Variants in PIK3C2G observed in about 807,000 individuals in gnomAD.
PIK3C2G encodes the protein phosphatidylinositol 3-kinase C2 domain-containing subunit gamma.
Under a neutral mutation model 181.1 loss-of-function variants are expected in PIK3C2G, and 168 were observed. The ratio of observed to expected loss-of-function variants is 0.93; its 90% CI spans 0.82 to 1.05. The LOEUF (loss-of-function observed/expected upper bound fraction) is 1.05, where lower values mean the gene tolerates loss of function less well. PIK3C2G is among the 50% of genes least tolerant of loss of function. The pLI is 0.00. For missense variants in PIK3C2G, 1,869 were observed against 1,732.8 expected, an observed-to-expected ratio of 1.08 and a Z score of -1.40; for synonymous variants, 573 against 592.2, an observed-to-expected ratio of 0.97 and a Z score of 0.47.
In PIK3C2G at chr12:18,347,675, A is replaced by G. The variant is rs11044041; in HGVS notation, c.1625+839A>G. On this transcript the variant is annotated intron_variant, in intron 11 of 32. Coordinates refer to ENST00000538779, the MANE Select transcript of PIK3C2G (RefSeq NM_001288772.2). ...AAATACAAAAAATTAGCAGGGCATG[A>G]TGGCACGTGCCTGTAATCCCAGCTA... is the stretch of plus-strand genomic sequence containing the variant. Among the ~76,000 whole-genome samples, 629 of 152,002 alleles carry G rather than the reference A, an allele frequency of 4.1e-3. 1 individual carries two copies. The highest frequency in any genetic ancestry group is 0.014 in the African/African-American group (591 of 41,482).
intron 31 of PIK3C2G, among the ~76,000 whole-genome samples, chr12:18,619,112 A>G (rs1948731211): frequency 6.6e-6 from 1 of 151,332 alleles, no homozygotes; most frequent in African/African-American, 2.4e-5. Context: ...TATATTACAC[A>G]TTGTAATAAA....
chr12:18,326,929 C>G (rs1186791051), intron 8 of PIK3C2G, among the ~76,000 whole-genome samples: 1 of 152,078 alleles, frequency 6.6e-6, no homozygotes, highest in Non-Finnish European at 1.5e-5. Flanking sequence ...TTTTCACACA[C>G]AAATTATTAA....
At chr12:18,338,963 T>C (rs1938852138) in intron 9 of PIK3C2G, among the ~76,000 whole-genome samples, 1 of 152,016 alleles carries the variant, frequency 6.6e-6, no homozygotes, top group African/African-American at 2.4e-5. Context: ...AGGCATTAAG[T>C]GTCATGTTTG....
At chr12:18,668,904 T>G in the PIK3C2G span, among the ~76,000 whole-genome samples, 1 of 152,040 alleles carries the variant, frequency 6.6e-6, no homozygotes, top group African/African-American at 2.4e-5. Context: ...CAATTGTAAA[T>G]GTCAGCAAAG....
chr12:18,719,588 T>C, the PIK3C2G span: 8 of 1,606,864 alleles, frequency 5.0e-6, no homozygotes, highest in South Asian at 1.1e-5. Context: ...CGTGAATCCA[T>C]GTATCTTGTA....
chr12:18,595,606 A>G (rs1947318129), intron 30 of PIK3C2G, among the ~76,000 whole-genome samples: 1 of 152,100 alleles, frequency 6.6e-6, no homozygotes, highest in Non-Finnish European at 1.5e-5. Context: ...TTTTTTTCAA[A>G]TGCCAATTCA....
chr12:18,288,287 G>A (rs896446557), intron 3 of PIK3C2G, among the ~76,000 whole-genome samples: 1 of 152,134 alleles, frequency 6.6e-6, no homozygotes, highest in African/African-American at 2.4e-5. Flanking sequence ...TCTACCAAAT[G>A]ATTATTTGAA....
chr12:18,605,065 A>G (rs904001455), intron 30 of PIK3C2G, among the ~76,000 whole-genome samples: 1 of 152,202 alleles, frequency 6.6e-6, no homozygotes, highest in Non-Finnish European at 1.5e-5. Flanking sequence ...TGAAATTGAA[A>G]CAAAAAAATT....
At chr12:18,296,249 T>C (rs939589247) in intron 5 of PIK3C2G, among the ~76,000 whole-genome samples, 1 of 152,114 alleles carries the variant, frequency 6.6e-6, no homozygotes, top group Non-Finnish European at 1.5e-5. Flanking sequence ...ATAATGCATA[T>C]AGAAATTTCA....
At chr12:18,475,779 T>G (rs1430950863) in intron 18 of PIK3C2G, among the ~76,000 whole-genome samples, 2 of 152,150 alleles carry the variant, frequency 1.3e-5, no homozygotes, top group African/African-American at 2.4e-5. Context: ...ATGCAAACTC[T>G]TAGGCGACTA....
At chr12:18,496,229 G>T in intron 21 of PIK3C2G, 75 bp downstream of exon 21, 2 of 888,018 alleles carry the variant, frequency 2.3e-6, no homozygotes, top group Non-Finnish European at 3.4e-6. Flanking sequence ...AAAAGAAATT[G>T]TTGTGGCTAT....
At chr12:18,462,768 G>A (rs1947989921) in intron 18 of PIK3C2G, among the ~76,000 whole-genome samples, 1 of 152,042 alleles carries the variant, frequency 6.6e-6, no homozygotes, top group African/African-American at 2.4e-5. Context: ...TCTGACTCAG[G>A]AATTTCTGCT....
At chr12:18,696,120 G>T in the PIK3C2G span, 1 of 1,144,138 alleles carries the variant, frequency 8.7e-7, no homozygotes, top group Non-Finnish European at 1.3e-6. Flanking sequence ...TGTTACTTCT[G>T]CAAACAACTC....
intron 18 of PIK3C2G, among the ~76,000 whole-genome samples, chr12:18,447,981 A>G (rs1323224772): frequency 6.6e-6 from 1 of 152,148 alleles, no homozygotes; most frequent in East Asian, 1.9e-4. Flanking sequence ...TCTTTGTGAT[A>G]GATTCTTCCT....
intron 5 of PIK3C2G, among the ~76,000 whole-genome samples, chr12:18,298,351 C>T (rs1173621142): frequency 6.7e-6 from 1 of 149,004 alleles, no homozygotes; most frequent in African/African-American, 2.5e-5. Context: ...ATTCAGATTG[C>T]TTGCCCACTT....
At chr12:18,253,147 AGAG>A (rs1468320223) in intron 1 of PIK3C2G, among the ~76,000 whole-genome samples, 1 of 152,238 alleles carries the variant, frequency 6.6e-6, no homozygotes, top group Non-Finnish European at 1.5e-5. Flanking sequence ...GATTTTTTAA[AGAG>A]AACATTTTTA....
At chr12:18,595,781 A>G (rs1261876577) in intron 30 of PIK3C2G, among the ~76,000 whole-genome samples, 1 of 152,042 alleles carries the variant, frequency 6.6e-6, no homozygotes. Flanking sequence ...ATTCTTAATA[A>G]GTTTTGAAAA....
chr12:18,687,568 A>T, the PIK3C2G span, among the ~76,000 whole-genome samples: 1 of 152,138 alleles, frequency 6.6e-6, no homozygotes, highest in Non-Finnish European at 1.5e-5. Flanking sequence ...TACCAAAGTT[A>T]TTTCCCTTAA....
the PIK3C2G span, chr12:18,693,064 G>A: frequency 6.7e-7 from 1 of 1,490,980 alleles, no homozygotes; most frequent in African/African-American, 1.4e-5. Context: ...GAAGGGAAAA[G>A]ATCAAAAGTG....
Sources: gnomAD v4.1 joint callset for allele counts (sites outside exome capture counted in the v4.1 genomes callset) on GRCh38, gnomAD v4.1.1 for gene constraint, MANE v1.5 for transcripts, NCBI Gene and HGNC (gene_info 2026-07-23, HGNC 2026-07-21) for gene names.